Variants in CTPS1 observed in about 807,000 individuals in gnomAD.
CTPS1 encodes the protein CTP synthase 1.
In CTPS1, 25 loss-of-function variants were observed where a neutral mutation model predicts 80.5. The observed-to-expected ratio is 0.31, with a 90% confidence interval of 0.23 to 0.43. The LOEUF (loss-of-function observed/expected upper bound fraction) is 0.43. CTPS1 is among the 20% of genes least tolerant of loss of function. The pLI is 1.00. For synonymous variants in CTPS1, 267 were observed against 252.5 expected, an observed-to-expected ratio of 1.06 and a Z score of -0.54; for missense variants, 442 against 725.7, an observed-to-expected ratio of 0.61 and a Z score of 4.49.
intron 12 of CTPS1, among the ~76,000 whole-genome samples, chr1:41,004,491 C>T (rs746415430): frequency 4.3e-4 from 65 of 152,178 alleles, no homozygotes; most frequent in Non-Finnish European, 8.2e-4. Context: ...AGCCCCAGAC[C>T]TCTGCCTCTC....
intron 18 of CTPS1, among the ~76,000 whole-genome samples, chr1:41,010,602 C>A (rs902521134): frequency 6.6e-6 from 1 of 152,124 alleles, no homozygotes; most frequent in African/African-American, 2.4e-5. Flanking sequence ...AATTCTTAGA[C>A]CCTATTGTTT....
chr1:41,009,648 C>T, intron 17 of CTPS1, 59 bp downstream of exon 17: 2 of 1,592,466 alleles, frequency 1.3e-6, no homozygotes, highest in Non-Finnish European at 1.7e-6. Context: ...TAGGTGGTCG[C>T]TGATTCATTA....
At chr1:40,990,806 G>A (rs1027029351) in intron 5 of CTPS1, among the ~76,000 whole-genome samples, 6 of 152,136 alleles carry the variant, frequency 3.9e-5, no homozygotes, top group African/African-American at 2.4e-5. Flanking sequence ...AGGACTGCAG[G>A]CACAGGAAAG....
At chr1:41,005,244 A>T (rs1043836021) in intron 12 of CTPS1, among the ~76,000 whole-genome samples, 5 of 152,248 alleles carry the variant, frequency 3.3e-5, no homozygotes, top group Admixed American at 3.3e-4. Flanking sequence ...CAGGAGTTCG[A>T]GACCAGCCTG....
chr1:40,999,595 C>T (rs893203533), intron 9 of CTPS1, among the ~76,000 whole-genome samples: 3 of 152,052 alleles, frequency 2.0e-5, no homozygotes, highest in Non-Finnish European at 4.4e-5. Context: ...ACCTTGCTGC[C>T]GGGAGTGTAA....
At chr1:40,987,524 C>A in intron 4 of CTPS1, 52 bp downstream of exon 4, 1 of 1,277,688 alleles carries the variant, frequency 7.8e-7, no homozygotes, top group Non-Finnish European at 1.1e-6. Context: ...CCTTAGTCAG[C>A]CATCAATAAC....
chr1:40,984,686 T>G, intron 2 of CTPS1, 135 bp from the exon 3 acceptor site: 1 of 641,714 alleles, frequency 1.6e-6, no homozygotes, highest in Non-Finnish European at 2.5e-6. Context: ...ATATTTAGTC[T>G]TCTAGAAGTG....
intron 1 of CTPS1, chr1:40,980,808 A>C (rs1205778728): frequency 1.3e-5 from 2 of 152,342 alleles, no homozygotes; most frequent in African/African-American, 4.8e-5. Flanking sequence ...GCCCTTGCCT[A>C]CCTTTCCAGT....
Position 40,986,074 on chromosome 1 carries a change from A to G in CTPS1, c.337+1083A>G, listed in dbSNP as rs1327605683. 2.0e-5 allele frequency among the ~76,000 whole-genome samples: 3 copies of G among 152,242 alleles called. No individual in the cohort carries two copies. The East Asian group carries it at 5.8e-4, about 29-fold the overall frequency. On this transcript the variant is annotated intron_variant, in intron 3 of 18. Coordinates refer to ENST00000650070, the MANE Select transcript of CTPS1 (RefSeq NM_001905.4). ...AGACCCTCACTGGTGCTGGTGATGC[A>G]TGTGATGAGCAAGACCAGAGAAGTC... is the stretch of plus-strand genomic sequence containing the variant.
chr1:41,002,034 C>T (rs2148412397), intron 10 of CTPS1, 126 bp from the exon 11 acceptor site: 1 of 790,902 alleles, frequency 1.3e-6, no homozygotes. Context: ...AATTCATTGT[C>T]ACAGTAGCAC....
rs1413702550 is a variant in CTPS1, at chr1:41,007,554, T to G, written c.1393+9T>G. On this transcript the variant is annotated intron_variant, in intron 14 of 18. Coordinates refer to ENST00000650070, the MANE Select transcript of CTPS1 (RefSeq NM_001905.4). The surrounding 1 kb of genome is among the most constrained non-coding windows in gnomAD (Gnocchi z 4.4). The stretch of plus-strand genomic sequence containing the variant: ...CAAGAACTCAGTCATGAGTAAGAGC[T>G]GCCTCACGCTGGCCCAGCCTTTGGC... 6.2e-7 allele frequency: 1 copy of G among 1,612,102 alleles called. No individual in the cohort carries two copies. The highest frequency in any genetic ancestry group is 8.5e-7 in the Non-Finnish European group (1 of 1,178,516).
intron 14 of CTPS1, among the ~76,000 whole-genome samples, chr1:41,008,021 C>T (rs1184142121): frequency 6.6e-6 from 1 of 152,176 alleles, no homozygotes; most frequent in East Asian, 1.9e-4. Context: ...TTCTTGTCTA[C>T]TGGGAAAATT....
chr1:41,006,186 C>T, intron 13 of CTPS1, 92 bp downstream of exon 13: 1 of 1,064,762 alleles, frequency 9.4e-7, no homozygotes, highest in Non-Finnish European at 1.4e-6. Context: ...AGAAGTGAGA[C>T]TGCTTGAGTC....
In CTPS1 at chr1:41,007,377, C is replaced by A. The variant is rs1301473822; in HGVS notation, c.1297-72C>A. The A allele has an allele frequency of 3.8e-6, 5 of 1,313,168 alleles. No homozygotes were observed. The highest frequency in any genetic ancestry group is 5.5e-6 in the Non-Finnish European group (5 of 913,734). The allele number at this position is 1,313,168 out of a possible 1,614,324, so 81.3% of individuals were successfully genotyped here. A position where few individuals can be genotyped will look rare whatever the true frequency, so the allele number is the denominator to read the frequency against. On this transcript the variant is annotated intron_variant, in intron 13 of 18. Transcript: ENST00000650070. The surrounding 1 kb of genome is among the most constrained non-coding windows in gnomAD (Gnocchi z 4.4). ...CTTACTTACAAGCCTTTGCCACCCA[C>A]TCAGCGAGGGAGGTTTCTCTCTAGC...
intron 8 of CTPS1, among the ~76,000 whole-genome samples, chr1:40,996,742 G>T (rs1164323414): frequency 6.6e-6 from 1 of 152,114 alleles, no homozygotes; most frequent in Admixed American, 6.5e-5. Flanking sequence ...ATAGCTATCA[G>T]AATGGCAGTT....
intron 17 of CTPS1, 149 bp downstream of exon 17, chr1:41,009,738 T>C (rs1643123443): frequency 2.2e-6 from 2 of 926,242 alleles, no homozygotes; most frequent in Non-Finnish European, 3.2e-6. Context: ...TTCCCGGAGC[T>C]TTCTCACGGT....
At chr1:41,001,890 G>A (rs1405777185) in intron 10 of CTPS1, among the ~76,000 whole-genome samples, 7 of 152,172 alleles carry the variant, frequency 4.6e-5, no homozygotes. Flanking sequence ...GAACAACTCA[G>A]TACCAAAGAT....
In CTPS1 at chr1:40,984,721, A is replaced by G. The variant is rs188902675; in HGVS notation, c.167-100A>G. The G allele has an allele frequency of 1.1e-4, 105 of 942,034 alleles. No homozygotes were observed. In the African/African-American group the frequency reaches 1.7e-3, roughly 15 times the overall value. 58.4% of individuals were successfully genotyped at this position (942,034 alleles called of 1,614,324 possible). On this transcript the variant is annotated intron_variant, in intron 2 of 18. Coordinates refer to ENST00000650070, the MANE Select transcript of CTPS1 (RefSeq NM_001905.4). ...GAATTTCTGTGCTTCCTATTACGTA[A>G]TTGCACACCTTGTTAATGAGTGTTT...
chr1:40,981,637 A>C (rs1419416524), intron 1 of CTPS1, among the ~76,000 whole-genome samples: 2 of 152,208 alleles, frequency 1.3e-5, no homozygotes, highest in Non-Finnish European at 2.9e-5. Flanking sequence ...TCACAGTGCG[A>C]GTTTACTTGC....
Sources: gnomAD v4.1 joint callset for allele counts (sites outside exome capture counted in the v4.1 genomes callset) on GRCh38, gnomAD v4.1.1 for gene constraint, Gnocchi (gnomAD v3.1) non-coding constraint, MANE v1.5 for transcripts, NCBI Gene and HGNC (gene_info 2026-07-23, HGNC 2026-07-21) for gene names.